The following SIL1 variants were observed in gnomAD, a reference collection of about 807,000 sequenced individuals.
SIL1 encodes the protein SIL1 nucleotide exchange factor.
In SIL1, 40 loss-of-function variants were observed where a neutral mutation model predicts 49.1. The observed-to-expected ratio is 0.81, with a 90% confidence interval of 0.63 to 1.06. The LOEUF is 1.06. Ranked by LOEUF, SIL1 falls within the 50% of genes least tolerant of loss-of-function variation. The pLI, the probability that SIL1 is intolerant of heterozygous loss-of-function variation, is 0.00. For synonymous variants in SIL1, 253 were observed against 250.8 expected (o/e 1.01, Z -0.08); for missense variants, 500 against 572.6 (o/e 0.87, Z 1.29).
chr5:139,137,230 T>C (rs1369431581), intron 1 of SIL1: 9 of 674,836 alleles, frequency 1.3e-5, no homozygotes, highest in Middle Eastern at 4.7e-4. Context: ...GCAAGCAAAG[T>C]ATTAGTTCAT....
intron 3 of SIL1, among the ~76,000 whole-genome samples, chr5:139,102,494 AAAAAAAAG>A (rs1561862802): frequency 1.6e-5 from 2 of 124,186 alleles, no homozygotes; most frequent in Admixed American, 1.6e-4. Flanking sequence ...CAAAAAAAAA[AAAAAAAAG>A]AGAGAGAGAG....
At chr5:139,122,121 T>C (rs1213401547) in intron 2 of SIL1, among the ~76,000 whole-genome samples, 1 of 152,166 alleles carries the variant, frequency 6.6e-6, no homozygotes, top group African/African-American at 2.4e-5. Flanking sequence ...TCATCGCTTT[T>C]TCTCTGCTTC....
intron 6 of SIL1, among the ~76,000 whole-genome samples, chr5:139,023,671 C>T (rs879637322): frequency 2.6e-5 from 4 of 152,324 alleles, no homozygotes; most frequent in Admixed American, 2.6e-4. Flanking sequence ...GCTCCTCAAA[C>T]CACCATTCAG....
At chr5:139,090,467 T>C (rs1434748635) in intron 3 of SIL1, among the ~76,000 whole-genome samples, 1 of 152,038 alleles carries the variant, frequency 6.6e-6, no homozygotes, top group Non-Finnish European at 1.5e-5. Flanking sequence ...ATAAAACATA[T>C]TGCAAAACCT....
rs886059984 is a variant in SIL1 at position 139,198,364 on chromosome 5, C to G, written c.-106G>C. ...CCCCCTGCGCAAACGCGGCGGCGAC[C>G]GTCTGAGCCGGTGAGCTGGCAGCTG... On this transcript the variant is annotated 5_prime_UTR_variant, in exon 1 of 10. Transcript: ENST00000394817. 1 of 152,098 alleles carries G rather than the reference C, an allele frequency of 6.6e-6. No individual in the cohort carries two copies. Among genetic ancestry groups the G allele is most frequent in the Admixed American group, 6.5e-5 (1 of 15,278 alleles). 9.4% of individuals were successfully genotyped at this position (152,098 alleles called of 1,614,324 possible).
chr5:139,050,911 T>C, intron 4 of SIL1, 27 bp downstream of exon 4: 1 of 1,575,408 alleles, frequency 6.3e-7, no homozygotes, highest in Non-Finnish European at 8.7e-7. Context: ...TCACTTAGCC[T>C]CCCAGTCCCT....
chr5:139,024,063 G>A (rs1405794782), intron 6 of SIL1, among the ~76,000 whole-genome samples: 1 of 152,168 alleles, frequency 6.6e-6, no homozygotes, highest in Non-Finnish European at 1.5e-5. Context: ...CTTTGTTGGG[G>A]CAATGCTAGC....
At chr5:139,134,223 T>A (rs1048053430) in intron 1 of SIL1, among the ~76,000 whole-genome samples, 18 of 152,158 alleles carry the variant, frequency 1.2e-4, no homozygotes, top group Admixed American at 8.5e-4. Flanking sequence ...GCTCAAGCAA[T>A]CCTCCCATCT....
At chr5:139,020,630 C>G (rs1012540529) in intron 7 of SIL1, among the ~76,000 whole-genome samples, 3 of 152,180 alleles carry the variant, frequency 2.0e-5, no homozygotes, top group South Asian at 4.1e-4. Flanking sequence ...TCTACTCTTT[C>G]GAGATGCTAC....
At chr5:138,991,292 G>A (rs1367726486) in intron 7 of SIL1, among the ~76,000 whole-genome samples, 1 of 152,236 alleles carries the variant, frequency 6.6e-6, no homozygotes, top group African/African-American at 2.4e-5. Context: ...AAAGCTGAGA[G>A]AAAATGGGAT....
At chr5:139,065,942 G>C (rs1297418748) in intron 3 of SIL1, among the ~76,000 whole-genome samples, 1 of 152,170 alleles carries the variant, frequency 6.6e-6, no homozygotes, top group Non-Finnish European at 1.5e-5. Flanking sequence ...TCATCTCTCT[G>C]ATATCCTCTT....
At chr5:139,061,338 T>C (rs1235628128) in intron 3 of SIL1, among the ~76,000 whole-genome samples, 2 of 152,208 alleles carry the variant, frequency 1.3e-5, no homozygotes, top group Non-Finnish European at 2.9e-5. Flanking sequence ...ATTAAGAGCT[T>C]TGGTAGTTAT....
chr5:139,143,252 T>C (rs557500861), intron 1 of SIL1, among the ~76,000 whole-genome samples: 36 of 88,048 alleles, frequency 4.1e-4, no homozygotes, highest in Admixed American at 3.0e-3. Flanking sequence ...TATATATACA[T>C]ATATAAACAC....
intron 4 of SIL1, among the ~76,000 whole-genome samples, chr5:139,050,484 A>C (rs1178165709): frequency 1.3e-5 from 2 of 152,260 alleles, no homozygotes; most frequent in African/African-American, 4.8e-5. Flanking sequence ...TACTATAAGA[A>C]GGCCTGTTTT....
At chr5:138,957,048 A>T (rs1766918320) in intron 7 of SIL1, among the ~76,000 whole-genome samples, 1 of 152,078 alleles carries the variant, frequency 6.6e-6, no homozygotes, top group African/African-American at 2.4e-5. Context: ...TCACCACAGT[A>T]ACAGCAACTC....
At chr5:139,171,070 G>C (rs1751752321) in intron 1 of SIL1, among the ~76,000 whole-genome samples, 1 of 151,004 alleles carries the variant, frequency 6.6e-6, no homozygotes, top group Non-Finnish European at 1.5e-5. Context: ...CCGTCCGGGA[G>C]GGAGGTGGGG....
At chr5:139,084,749 C>T (rs1374870667) in intron 3 of SIL1, among the ~76,000 whole-genome samples, 1 of 147,436 alleles carries the variant, frequency 6.8e-6, no homozygotes, top group African/African-American at 2.5e-5. Context: ...CTAACCTGCA[C>T]AATGTGCACA....
intron 7 of SIL1, among the ~76,000 whole-genome samples, chr5:139,011,690 C>T (rs1366352147): frequency 6.6e-6 from 1 of 152,016 alleles, no homozygotes; most frequent in Admixed American, 6.6e-5. Flanking sequence ...CTCATAGTGC[C>T]TTATTTTTTA....
intron 1 of SIL1, among the ~76,000 whole-genome samples, chr5:139,144,517 C>T (rs1359820103): frequency 2.0e-5 from 3 of 152,106 alleles, no homozygotes; most frequent in Non-Finnish European, 4.4e-5. Context: ...TCTCTATAGT[C>T]AACTGATTTT....
Sources: gnomAD v4.1 joint callset for allele counts (sites outside exome capture counted in the v4.1 genomes callset) on GRCh38, gnomAD v4.1.1 for gene constraint, MANE v1.5 for transcripts, NCBI Gene and HGNC (gene_info 2026-07-23, HGNC 2026-07-21) for gene names.